TENM4: variants seen among roughly 807,000 people sequenced by gnomAD.
The protein encoded by TENM4 is teneurin transmembrane protein 4, also known as teneurin-4.
A neutral mutation model predicts 243.3 loss-of-function variants in TENM4; 82 were observed. The ratio of observed to expected loss-of-function variants is 0.34; its 90% CI spans 0.28 to 0.40. The LOEUF (loss-of-function observed/expected upper bound fraction) is 0.40. Ranked by LOEUF, TENM4 falls within the 10% of genes least tolerant of loss-of-function variation. The pLI is 1.00. For synonymous variants in TENM4, 1,412 were observed against 1,456.3 expected (o/e 0.97, Z 0.69); for missense variants, 3,138 against 3,673.3 (o/e 0.85, Z 3.77).
chr11:79,107,611 T>TA (rs1403128931), intron 4 of TENM4, among the ~76,000 whole-genome samples: 2 of 152,286 alleles, frequency 1.3e-5, no homozygotes, highest in East Asian at 3.9e-4. Flanking sequence ...TGAGAATGGC[T>TA]AAAAAAGATA....
At chr11:79,116,457 A>T (rs1861623041) in intron 4 of TENM4, among the ~76,000 whole-genome samples, 1 of 152,156 alleles carries the variant, frequency 6.6e-6, no homozygotes, top group South Asian at 2.1e-4. Flanking sequence ...AATAGTGATA[A>T]GTTTTTGTCT....
intron 2 of TENM4, among the ~76,000 whole-genome samples, chr11:79,228,448 C>A (rs1437571743): frequency 6.6e-6 from 1 of 152,150 alleles, no homozygotes; most frequent in Non-Finnish European, 1.5e-5. Context: ...TCCCGGGAAA[C>A]CTCTCTTGGT....
At chr11:78,984,681 G>T (rs944631034) in intron 6 of TENM4, among the ~76,000 whole-genome samples, 2 of 152,168 alleles carry the variant, frequency 1.3e-5, no homozygotes, top group Admixed American at 1.3e-4. Context: ...TACTGCTGCT[G>T]CTGCTACGCT....
chr11:79,252,919 T>C (rs1480814686), intron 2 of TENM4, among the ~76,000 whole-genome samples: 1 of 152,230 alleles, frequency 6.6e-6, no homozygotes, highest in Admixed American at 6.5e-5. Context: ...TTTAAGCTAC[T>C]GAATTTTCAA....
At chr11:79,314,841 C>T (rs1289021897) in intron 1 of TENM4, among the ~76,000 whole-genome samples, 1 of 152,178 alleles carries the variant, frequency 6.6e-6, no homozygotes, top group Non-Finnish European at 1.5e-5. Context: ...AATATTGGTG[C>T]CCTGGCTCCA....
intron 1 of TENM4, among the ~76,000 whole-genome samples, chr11:79,391,384 T>C (rs1256311554): frequency 6.7e-6 from 1 of 149,408 alleles, no homozygotes; most frequent in Non-Finnish European, 1.5e-5. Context: ...TGATCTGTGC[T>C]AGCCTGTGGG....
intron 7 of TENM4, among the ~76,000 whole-genome samples, chr11:78,893,614 C>T (rs1776373328): frequency 6.6e-6 from 1 of 152,086 alleles, no homozygotes; most frequent in African/African-American, 2.4e-5. Flanking sequence ...CTCTGCCTCC[C>T]TCAACTATCT....
intron 25 of TENM4, among the ~76,000 whole-genome samples, chr11:78,719,309 C>T (rs1358253252): frequency 2.6e-5 from 4 of 152,144 alleles, no homozygotes; most frequent in African/African-American, 2.4e-5. Context: ...GGCGATAGAA[C>T]GCTATAGTCC....
rs560322896 is a variant in TENM4, at chr11:78,956,496, G to A, written c.494-52973C>T. On this transcript the variant is annotated intron_variant, in intron 6 of 33. Coordinates refer to ENST00000278550, the MANE Select transcript of TENM4 (RefSeq NM_001098816.3). ...TGAACTCTCATTTCTATAGCAGAGC[G>A]GCTAGGCCTTTCTAAGCAGTGATTA... is the stretch of plus-strand genomic sequence containing the variant. 9.8e-5 allele frequency among the ~76,000 whole-genome samples: 15 copies of A among 152,298 alleles called. No individual in the cohort carries two copies. The South Asian group carries it at 2.9e-3, about 29-fold the overall frequency.
At chr11:78,659,578 C>G (rs1348987873) in intron 33 of TENM4, among the ~76,000 whole-genome samples, 2 of 152,162 alleles carry the variant, frequency 1.3e-5, no homozygotes, top group African/African-American at 4.8e-5. Flanking sequence ...GGAGGATTGG[C>G]AAGAAATGCA....
At chr11:79,027,617 C>T (rs945226548) in intron 6 of TENM4, among the ~76,000 whole-genome samples, 10 of 152,174 alleles carry the variant, frequency 6.6e-5, no homozygotes, top group African/African-American at 2.2e-4. Flanking sequence ...TGATTTTTTC[C>T]TTTGCTCAGT....
intron 6 of TENM4, among the ~76,000 whole-genome samples, chr11:78,960,253 C>G (rs1428079780): frequency 6.6e-6 from 1 of 151,856 alleles, no homozygotes; most frequent in Admixed American, 6.6e-5. Context: ...AAGCCCACCC[C>G]AGGGAGCACT....
chr11:79,325,286 A>T (rs1420103848), intron 1 of TENM4, among the ~76,000 whole-genome samples: 1 of 152,220 alleles, frequency 6.6e-6, no homozygotes, highest in Non-Finnish European at 1.5e-5. Flanking sequence ...CACGGGCCAT[A>T]CATAGGCTAC....
intron 4 of TENM4, among the ~76,000 whole-genome samples, chr11:79,107,381 C>A (rs546027605): frequency 6.6e-6 from 1 of 152,244 alleles, no homozygotes; most frequent in South Asian, 2.1e-4. Flanking sequence ...TGGTACCTCC[C>A]CAAGTTTCCA....
intron 6 of TENM4, among the ~76,000 whole-genome samples, chr11:79,012,122 C>G: frequency 6.6e-6 from 1 of 152,104 alleles, no homozygotes; most frequent in East Asian, 1.9e-4. Context: ...AAAATGAGAC[C>G]GGCTCCTCTG....
At chr11:79,006,236 C>G (rs1225166956) in intron 6 of TENM4, among the ~76,000 whole-genome samples, 1 of 152,132 alleles carries the variant, frequency 6.6e-6, no homozygotes, top group Non-Finnish European at 1.5e-5. Flanking sequence ...CAGTACCTCC[C>G]TTTCTACCTT....
chr11:79,405,864 A>AC (rs1358373209), intron 1 of TENM4, among the ~76,000 whole-genome samples: 2 of 151,596 alleles, frequency 1.3e-5, no homozygotes. Context: ...AAAAAAAAAA[A>AC]AAAAAAACAA....
rs928168380 is a variant in TENM4, at chr11:78,656,017, CT to C, written c.*2040del. 8 of 151,172 alleles carry C rather than the reference CT, an allele frequency of 5.3e-5. No individual in the cohort carries two copies. Among genetic ancestry groups the C allele is most frequent in the Non-Finnish European group, 1.0e-4 (7 of 67,734 alleles). The allele number at this position is 151,172 out of a possible 1,614,324, so 9.4% of individuals were successfully genotyped here. A position where few individuals can be genotyped will look rare whatever the true frequency, so the allele number is the denominator to read the frequency against. Reference sequence around the variant, plus strand: ...AAAGCGCACTGCTGCAGCAGGGTGGCTTTTTTTTTGGAAACAGGAAGAGCAC... The same window carrying C: ...AAAGCGCACTGCTGCAGCAGGGTGGCTTTTTTTTGGAAACAGGAAGAGCAC... On this transcript the variant is annotated 3_prime_UTR_variant, in exon 34 of 34. Transcript: ENST00000278550.
intron 6 of TENM4, among the ~76,000 whole-genome samples, chr11:79,056,109 A>T (rs1160029605): frequency 6.6e-6 from 1 of 152,208 alleles, no homozygotes; most frequent in Non-Finnish European, 1.5e-5. Context: ...TTCTTGGACA[A>T]AGCTGAGCTT....
Sources: allele counts gnomAD v4.1 joint callset (sites outside exome capture counted in the v4.1 genomes callset), GRCh38; gene constraint gnomAD v4.1.1; transcripts MANE v1.5; gene names NCBI Gene and HGNC (gene_info 2026-07-23, HGNC 2026-07-21).